The following RNF216 variants were observed in gnomAD, a reference collection of about 807,000 sequenced individuals.
RNF216 encodes ring finger protein 216, also known as E3 ubiquitin-protein ligase RNF216.
A neutral mutation model predicts 110.8 loss-of-function variants in RNF216; 72 were observed. That is an observed-to-expected ratio of 0.65 (90% CI 0.54 to 0.79). The LOEUF is 0.79. Among genes scored for constraint, RNF216 ranks in the 30% least tolerant of loss-of-function variants. The probability of loss-of-function intolerance (pLI) is 0.00; values close to 1 mark genes in which losing one functional copy is unlikely to be tolerated. For missense variants in RNF216, 1,342 were observed against 1,141.2 expected (o/e 1.18, Z -2.54); for synonymous variants, 495 against 407.5 (o/e 1.21, Z -2.59).
At chr7:5,710,897 G>GT (rs1301342849) in intron 13 of RNF216, among the ~76,000 whole-genome samples, 1 of 152,238 alleles carries the variant, frequency 6.6e-6, no homozygotes, top group African/African-American at 2.4e-5. Context: ...AGCGACTGTT[G>GT]TGACAATTGT....
rs183362691 is a variant in RNF216, at chr7:5,640,054, C to T, written c.2382+1100G>A. Among the ~76,000 whole-genome samples, 1,369 of 151,584 alleles carry T rather than the reference C, an allele frequency of 9.0e-3. 15 individuals carry two copies. The highest frequency in any genetic ancestry group is 0.031 in the African/African-American group (1,295 of 41,354). ...GATTACAGGCGTGAGCCACCGCGCC[C>T]GGCCAATTTTTTTTTTTTTTTTTAA... On this transcript the variant is annotated intron_variant, in intron 15 of 16. Coordinates refer to ENST00000389902, the MANE Select transcript of RNF216 (RefSeq NM_207111.4).
chr7:5,699,010 C>A (rs1791805146), intron 13 of RNF216, among the ~76,000 whole-genome samples: 2 of 152,200 alleles, frequency 1.3e-5, no homozygotes, highest in South Asian at 4.1e-4. Flanking sequence ...AAAGCTAACA[C>A]TGAAGACAGC....
Position 5,781,571 on chromosome 7 carries a change from G to A in RNF216, c.-100C>T, listed in dbSNP as rs1344197516. On this transcript the variant is annotated 5_prime_UTR_variant, in exon 1 of 17. Coordinates refer to ENST00000389902, the MANE Select transcript of RNF216 (RefSeq NM_207111.4). Reference sequence around the variant, plus strand: ...ACTCAAGTCGCCGGCTAGCCAGGCAGGTTCGGCGGCCTTCGCTACCGCGCC... The same window carrying A: ...ACTCAAGTCGCCGGCTAGCCAGGCAAGTTCGGCGGCCTTCGCTACCGCGCC... The A allele has an allele frequency of 6.6e-6, 1 of 152,300 alleles. No individual in the cohort carries two copies. The highest frequency in any genetic ancestry group is 2.4e-5 in the African/African-American group (1 of 41,474). The allele number at this position is 152,300 out of a possible 1,614,324, so 9.4% of individuals were successfully genotyped here.
intron 13 of RNF216, among the ~76,000 whole-genome samples, chr7:5,657,643 G>T (rs1210440158): frequency 6.6e-6 from 1 of 152,106 alleles, no homozygotes; most frequent in Non-Finnish European, 1.5e-5. Context: ...CCACACACTT[G>T]ACTATTCGCA....
At chr7:5,636,384 G>C (rs1007501616) in intron 15 of RNF216, among the ~76,000 whole-genome samples, 6 of 152,176 alleles carry the variant, frequency 3.9e-5, no homozygotes, top group African/African-American at 1.4e-4. Context: ...GAGAAAGAAA[G>C]TTACTGTTCA....
At chr7:5,738,078 G>T (rs1265997057) in intron 5 of RNF216, among the ~76,000 whole-genome samples, 2 of 117,762 alleles carry the variant, frequency 1.7e-5, no homozygotes, top group African/African-American at 8.6e-5. Context: ...AACAGAATAA[G>T]ACTGTCTCCA....
At chr7:5,773,026 C>A (rs761203962) in intron 1 of RNF216, among the ~76,000 whole-genome samples, 2 of 152,116 alleles carry the variant, frequency 1.3e-5, no homozygotes, top group African/African-American at 2.4e-5. Flanking sequence ...GTGATCCACA[C>A]GCCTCAGCCT....
In RNF216 at chr7:5,687,394, C is replaced by CAAAAAA. The variant is rs372177142; in HGVS notation, c.2061+24361_2061+24366dup. Among the ~76,000 whole-genome samples, 149 of 46,736 alleles carry CAAAAAA rather than the reference C, an allele frequency of 3.2e-3. 1 individual carries two copies. The highest frequency in any genetic ancestry group is 0.01 in the Middle Eastern group (1 of 96). The allele number at this position is 46,736 out of a possible 152,430, so 30.7% of individuals were successfully genotyped here. On this transcript the variant is annotated intron_variant, in intron 13 of 16. Coordinates refer to ENST00000389902, the MANE Select transcript of RNF216 (RefSeq NM_207111.4). ...GGGCAACAAGAGTGAAACTCCACCT[C>CAAAAAA]AAAAAAAAAAAAAAAAAAAAGAAAA...
intron 13 of RNF216, among the ~76,000 whole-genome samples, chr7:5,689,627 G>T (rs1329583825): frequency 6.6e-6 from 1 of 152,134 alleles, no homozygotes; most frequent in Non-Finnish European, 1.5e-5. Flanking sequence ...TGATAGACTT[G>T]AGTAAAATCA....
rs1162164856 is a variant in RNF216 at position 5,721,096 on chromosome 7, A to T, written c.1581T>A (p.Ala527=). ...GCTCTTGTTGCACAGCTGGAAGGAG[A>T]GCACGTCGGTCATAGGACCTACAAT... is the stretch of plus-strand genomic sequence containing the variant. ...RRHCRSYDRR[A]LLPAVQQEQE... Residue 527 remains alanine, a synonymous_variant, in exon 9 of 17, where the codon GCT becomes GCA. Coordinates refer to ENST00000389902, the MANE Select transcript of RNF216 (RefSeq NM_207111.4). 2 of 1,614,060 alleles carry T rather than the reference A, an allele frequency of 1.2e-6. No homozygotes were observed. Among genetic ancestry groups the T allele is most frequent in the African/African-American group, 1.3e-5 (1 of 75,032 alleles).
chr7:5,628,063 CCATT>C (rs1786827442), intron 15 of RNF216, among the ~76,000 whole-genome samples: 1 of 152,170 alleles, frequency 6.6e-6, no homozygotes, highest in Admixed American at 6.5e-5. Context: ...TCCCAGCCTG[CCATT>C]CAGAGTTCTT....
At chr7:5,747,368 G>A (rs1426222605) in intron 3 of RNF216, among the ~76,000 whole-genome samples, 3 of 152,130 alleles carry the variant, frequency 2.0e-5, no homozygotes, top group African/African-American at 7.2e-5. Flanking sequence ...GAGTAAAAAC[G>A]GATAAAAGCA....
At chr7:5,655,511 CAGG>C (rs1788682761) in intron 13 of RNF216, among the ~76,000 whole-genome samples, 2 of 152,092 alleles carry the variant, frequency 1.3e-5, no homozygotes, top group South Asian at 2.1e-4. Flanking sequence ...GAGGCTGAGG[CAGG>C]AGAATTGCTT....
intron 15 of RNF216, among the ~76,000 whole-genome samples, chr7:5,626,412 T>TAAAAAAAA (rs746722830): frequency 1.9e-5 from 2 of 105,882 alleles, no homozygotes; most frequent in Admixed American, 8.8e-5. Context: ...GAAAAAAGAC[T>TAAAAAAAA]AAAAAAAAAA....
rs756283994 is a variant in RNF216 at position 5,673,859 on chromosome 7, AT to A, written c.2062-21350del. 4.4e-3 allele frequency among the ~76,000 whole-genome samples: 537 copies of A among 121,580 alleles called. 4 individuals are homozygous for A. Among genetic ancestry groups the A allele is most frequent in the African/African-American group, 0.012 (380 of 31,098 alleles). 79.8% of individuals were successfully genotyped at this position (121,580 alleles called of 152,430 possible). On this transcript the variant is annotated intron_variant, in intron 13 of 16. Transcript: ENST00000389902. ...AGACCTCCATCTCTCTCTTTCTCTC[AT>A]TTTTTTTTTTTTTTTTTTGAGACAG...
rs1186852853 is a variant in RNF216 at position 5,741,330 on chromosome 7, C to T, written c.687G>A (p.Trp229Ter). 1 of 1,614,132 alleles carries T rather than the reference C, an allele frequency of 6.2e-7. No individual in the cohort carries two copies. Among genetic ancestry groups the T allele is most frequent in the Admixed American group, 1.7e-5 (1 of 60,024 alleles). ...GAGACTGGAAGTAAGGATGATCTAA[C>T]CAGCAGTCTTCTTCGATGGCCTGAT... is the stretch of plus-strand genomic sequence containing the variant. The part of the protein sequence containing the change: ...ADDQAIEEDC[W>*]LDHPYFQSLN... Residue 229 changes from tryptophan (W) to a stop codon, truncating the protein, a stop_gained, in exon 4 of 17, where the codon TGG becomes TGA. Transcript: ENST00000389902. LOFTEE classifies it high-confidence loss of function.
chr7:5,754,788 G>A (rs1795530429), intron 2 of RNF216, among the ~76,000 whole-genome samples: 1 of 152,138 alleles, frequency 6.6e-6, no homozygotes. Context: ...AGAACTTTGG[G>A]AGGCCTAGAC....
In RNF216 at chr7:5,720,334, C is replaced by T. The variant is rs553994142; in HGVS notation, c.1644+699G>A. 2.6e-5 allele frequency among the ~76,000 whole-genome samples: 4 copies of T among 152,312 alleles called. 2 individuals carry two copies. Among genetic ancestry groups the T allele is most frequent in the African/African-American group, 9.6e-5 (4 of 41,572 alleles). On this transcript the variant is annotated intron_variant, in intron 9 of 16. Coordinates refer to ENST00000389902, the MANE Select transcript of RNF216 (RefSeq NM_207111.4). ...GACCTTCTCATGCTGATCCACACTTCCATTTAATGAATATGAAATATATTT... is the reference window on the plus strand; with the variant it reads ...GACCTTCTCATGCTGATCCACACTTTCATTTAATGAATATGAAATATATTT...
intron 13 of RNF216, among the ~76,000 whole-genome samples, chr7:5,653,813 G>A (rs779945060): frequency 7.9e-5 from 12 of 151,856 alleles, no homozygotes; most frequent in Non-Finnish European, 1.8e-4. Context: ...TGAATAGGGC[G>A]GCGAAAACAG....
Sources: allele counts gnomAD v4.1 joint callset (sites outside exome capture counted in the v4.1 genomes callset), GRCh38; gene constraint gnomAD v4.1.1; transcripts MANE v1.5; gene names NCBI Gene and HGNC (gene_info 2026-07-23, HGNC 2026-07-21).